EDIL3: variants seen among roughly 807,000 people sequenced by gnomAD.
EDIL3 encodes EGF like and discoidin domains 3, also known as EGF-like repeat and discoidin I-like domain-containing protein 3.
EDIL3 carries 37 observed loss-of-function variants against 67.4 expected under a neutral mutation model. The observed-to-expected ratio is 0.55, with a 90% confidence interval of 0.42 to 0.72. The LOEUF (loss-of-function observed/expected upper bound fraction) is 0.72. EDIL3 is among the 30% of genes least tolerant of loss of function. The probability of loss-of-function intolerance (pLI) is 0.00; values close to 1 mark genes in which losing one functional copy is unlikely to be tolerated. For missense variants in EDIL3, 527 were observed against 586.3 expected, an observed-to-expected ratio of 0.90 and a Z score of 1.04; for synonymous variants, 195 against 196.3, an observed-to-expected ratio of 0.99 and a Z score of 0.05.
chr5:84,371,341 A>ATATATATATATATGTG (rs1008172581), intron 1 of EDIL3, among the ~76,000 whole-genome samples: 17 of 129,692 alleles, frequency 1.3e-4, no homozygotes, highest in African/African-American at 4.4e-4. Flanking sequence ...ATATATATAT[A>ATATATATATATATGTG]TGTGTGTGTG....
chr5:84,201,897 G>T (rs1439211185), intron 3 of EDIL3, among the ~76,000 whole-genome samples: 2 of 152,036 alleles, frequency 1.3e-5, no homozygotes, highest in African/African-American at 2.4e-5. Flanking sequence ...AAGTAACGTG[G>T]TATGTAGACA....
chr5:84,091,443 A>G (rs1419199615), intron 6 of EDIL3, among the ~76,000 whole-genome samples: 1 of 152,260 alleles, frequency 6.6e-6, no homozygotes, highest in Non-Finnish European at 1.5e-5. Flanking sequence ...GTCTAACTAC[A>G]TTCAATTAGT....
intron 1 of EDIL3, among the ~76,000 whole-genome samples, chr5:84,262,659 G>GTGTTTTTT (rs1745250482): frequency 2.2e-5 from 1 of 46,310 alleles, no homozygotes; most frequent in Non-Finnish European, 3.6e-5. Context: ...AGGTTGGTTG[G>GTGTTTTTT]TTTTTTTTTT....
rs114889955 is a variant in EDIL3 at position 84,245,207 on chromosome 5, A to G, written c.196+8877T>C. ...CCCTTTTTTAAATGTTTTATGGCCTACTACAGTAATCAAATGTTTGAATGA... is the reference window on the plus strand; with the variant it reads ...CCCTTTTTTAAATGTTTTATGGCCTGCTACAGTAATCAAATGTTTGAATGA... On this transcript the variant is annotated intron_variant, in intron 2 of 10. Coordinates refer to ENST00000296591, the MANE Select transcript of EDIL3 (RefSeq NM_005711.5). Among the ~76,000 whole-genome samples, 767 of 152,316 alleles carry G rather than the reference A, an allele frequency of 5.0e-3. 5 individuals are homozygous for G. Among genetic ancestry groups the G allele is most frequent in the Non-Finnish European group, 8.5e-3 (578 of 68,026 alleles).
chr5:84,138,651 C>T (rs1014494110), intron 4 of EDIL3, among the ~76,000 whole-genome samples: 1 of 152,032 alleles, frequency 6.6e-6, no homozygotes, highest in African/African-American at 2.4e-5. Flanking sequence ...CTCAATTTTG[C>T]CCTTTCTTTT....
At chr5:84,176,212 T>TATATATATATATATATATATAAA (rs1561453820) in intron 4 of EDIL3, among the ~76,000 whole-genome samples, 6 of 121,464 alleles carry the variant, frequency 4.9e-5, no homozygotes, top group African/African-American at 2.1e-4. Context: ...TATATATATA[T>TATATATATATATATATATATAAA]ATATATATAT....
intron 4 of EDIL3, among the ~76,000 whole-genome samples, chr5:84,144,457 A>G (rs531661337): frequency 2.6e-5 from 4 of 152,232 alleles, no homozygotes; most frequent in Admixed American, 1.3e-4. Flanking sequence ...AACAAGGGCT[A>G]TAACAGGAAA....
At chr5:84,273,678 T>G (rs997635732) in intron 1 of EDIL3, among the ~76,000 whole-genome samples, 26 of 152,330 alleles carry the variant, frequency 1.7e-4, no homozygotes, top group Non-Finnish European at 1.5e-4. Flanking sequence ...TTTTAGAGTC[T>G]CTATGCAAAT....
chr5:84,026,075 G>A (rs933003922), intron 9 of EDIL3, among the ~76,000 whole-genome samples: 3 of 152,142 alleles, frequency 2.0e-5, no homozygotes, highest in African/African-American at 4.8e-5. Context: ...GGCATGACCT[G>A]GGGACTGGTT....
intron 1 of EDIL3, among the ~76,000 whole-genome samples, chr5:84,284,249 G>T (rs1302606967): frequency 1.3e-5 from 2 of 152,130 alleles, no homozygotes; most frequent in Non-Finnish European, 2.9e-5. Context: ...GTATGTATAT[G>T]TTTATTCTAC....
At chr5:83,967,504 G>A (rs771724432) in intron 9 of EDIL3, among the ~76,000 whole-genome samples, 1 of 152,074 alleles carries the variant, frequency 6.6e-6, no homozygotes, top group Non-Finnish European at 1.5e-5. Flanking sequence ...CTTAAGGAGA[G>A]AGGATTAAAT....
intron 6 of EDIL3, among the ~76,000 whole-genome samples, chr5:84,097,373 C>T (rs1490496944): frequency 6.6e-6 from 1 of 152,146 alleles, no homozygotes; most frequent in Non-Finnish European, 1.5e-5. Context: ...TATATCAGCA[C>T]ACAACGGTAA....
At chr5:84,079,271 T>C (rs1469072156) in intron 6 of EDIL3, among the ~76,000 whole-genome samples, 1 of 151,988 alleles carries the variant, frequency 6.6e-6, no homozygotes, top group Non-Finnish European at 1.5e-5. Context: ...TTTCCCTGAG[T>C]TCTGTGAGGC....
At chr5:84,185,889 G>C (rs1379541812) in intron 3 of EDIL3, among the ~76,000 whole-genome samples, 2 of 152,024 alleles carry the variant, frequency 1.3e-5, no homozygotes, top group Non-Finnish European at 2.9e-5. Flanking sequence ...CTCATTAACT[G>C]TTTGAGTTAC....
chr5:84,230,763 ATG>A (rs59552122), intron 2 of EDIL3, among the ~76,000 whole-genome samples: 6,542 of 137,126 alleles, frequency 0.048, 161 homozygotes, highest in African/African-American at 0.076. Context: ...CCACTACGTG[ATG>A]TGTGTGTGTG....
chr5:84,144,268 CCTTT>C (rs1748253541), intron 4 of EDIL3, among the ~76,000 whole-genome samples: 1 of 128,280 alleles, frequency 7.8e-6, no homozygotes, highest in South Asian at 2.7e-4. Flanking sequence ...CACCCTTCCT[CCTTT>C]CCTTCCTTCC....
rs552929572 is a variant in EDIL3 at position 84,008,889 on chromosome 5, T to C, written c.1138-45529A>G. Among the ~76,000 whole-genome samples, 22 of 152,332 alleles carry C rather than the reference T, an allele frequency of 1.4e-4. No homozygotes were observed. The South Asian group carries it at 4.6e-3, about 32-fold the overall frequency. ...ATGCAGTGATGGGATCTCAGCTCAC[T>C]GCAACCTCCGCCTCCCAGGCTCAAG... On this transcript the variant is annotated intron_variant, in intron 9 of 10. Coordinates refer to ENST00000296591, the MANE Select transcript of EDIL3 (RefSeq NM_005711.5).
At chr5:83,954,579 A>G (rs1432667300) in intron 10 of EDIL3, among the ~76,000 whole-genome samples, 1 of 151,778 alleles carries the variant, frequency 6.6e-6, no homozygotes, top group Admixed American at 6.6e-5. Flanking sequence ...ATGCCTCACC[A>G]GAAGCCAAGC....
chr5:84,297,289 T>C (rs1325115985), intron 1 of EDIL3, among the ~76,000 whole-genome samples: 5 of 150,190 alleles, frequency 3.3e-5, no homozygotes, highest in Admixed American at 2.7e-4. Flanking sequence ...AAGCTTAACA[T>C]CACTGATCAT....
Sources: allele counts gnomAD v4.1 joint callset (sites outside exome capture counted in the v4.1 genomes callset), GRCh38; gene constraint gnomAD v4.1.1; transcripts MANE v1.5; gene names NCBI Gene and HGNC (gene_info 2026-07-23, HGNC 2026-07-21).